The following SIRT7 variants were observed in gnomAD, a reference collection of about 807,000 sequenced individuals.
SIRT7 encodes the protein NAD-dependent protein deacetylase sirtuin-7.
SIRT7 carries 32 observed loss-of-function variants against 42.8 expected under a neutral mutation model. The observed-to-expected ratio is 0.75, with a 90% CI of 0.56 to 1.00. SIRT7 has a LOEUF of 1.00. SIRT7 is among the 50% of genes least tolerant of loss of function. SIRT7 has a pLI of 0.00. For missense variants in SIRT7, 553 were observed against 572.2 expected (o/e 0.97, Z 0.34); for synonymous variants, 297 against 245.2 (o/e 1.21, Z -1.97).
chr17:81,912,588 G>A lies in SIRT7; in HGVS notation c.1031C>T (p.Ala344Val), dbSNP rs747584480. The A allele has an allele frequency of 8.7e-6, 14 of 1,613,264 alleles. No homozygotes were observed. The highest frequency in any genetic ancestry group is 3.3e-5 in the South Asian group (3 of 91,084). Reference sequence around the variant, plus strand: ...TTCTTCACCAGCACGCAGGGGAGTCGCCAGTGAGAAAATGGGATCCTGCCA... The same window carrying A: ...TTCTTCACCAGCACGCAGGGGAGTCACCAGTGAGAAAATGGGATCCTGCCA... ...SRWQDPIFSL[A>V]TPLRAGEEGS... Residue 344 changes from alanine (A) to valine (V), a missense_variant, in exon 10 of 10, where the codon GCG becomes GTG. Ala to Val is a moderately conservative substitution (Grantham distance 64). Transcript: ENST00000328666.
chr17:81,915,774 C>G, intron 3 of SIRT7, 93 bp from the exon 4 acceptor site: 3 of 1,394,072 alleles, frequency 2.2e-6, no homozygotes, highest in Non-Finnish European at 2.0e-6. Flanking sequence ...GTCACTCCTG[C>G]CGCATTCCGG....
At position 81,913,301 on chromosome 17, in the gene SIRT7, T is replaced by C; in HGVS notation, c.1004+473A>G. ...GATTTCCCCTATAAGACCCTGAAAA[T>C]TCACAGAGAAAGAGAGTGTAAACTT... On this transcript the variant is annotated intron_variant, in intron 9 of 9. Transcript: ENST00000328666. The surrounding 1 kb of genome is among the most constrained non-coding windows in gnomAD (Gnocchi z 5.0). The C allele has an allele frequency of 2.2e-6, 1 of 456,070 alleles. No homozygotes were observed. Among genetic ancestry groups the C allele is most frequent in the Non-Finnish European group, 4.4e-6 (1 of 227,126 alleles). The allele number at this position is 456,070 out of a possible 1,614,324, so 28.3% of individuals were successfully genotyped here.
chr17:81,915,789 G>A (rs1488816661), intron 3 of SIRT7, 108 bp from the exon 4 acceptor site: 1 of 1,271,052 alleles, frequency 7.9e-7, no homozygotes, highest in Non-Finnish European at 1.1e-6. Context: ...TTCCGGGCTG[G>A]CCTGCATGTT....
intron 8 of SIRT7, 83 bp downstream of exon 8, chr17:81,914,004 C>A: frequency 6.3e-7 from 1 of 1,581,740 alleles, no homozygotes; most frequent in Non-Finnish European, 8.7e-7. Flanking sequence ...TATCAGACCG[C>A]CCTGGTGCAT....
intron 9 of SIRT7, 184 bp from the exon 10 acceptor site, chr17:81,912,798 G>A: frequency 2.9e-6 from 2 of 679,128 alleles, no homozygotes; most frequent in East Asian, 5.4e-5. Flanking sequence ...ATGTGGGAGA[G>A]GTCACCTCTT....
At chr17:81,918,005 G>A in intron 1 of SIRT7, 34 bp downstream of exon 1, 3 of 1,385,152 alleles carry the variant, frequency 2.2e-6, no homozygotes, top group Non-Finnish European at 2.8e-6. Context: ...GCGCGGGCCG[G>A]GCATGGCCGG....
rs976501937 is a variant in SIRT7, at chr17:81,914,661, C to T, written c.522G>A (p.Leu174=). ...VVSQNCDGLH[L]RSGLPRTAIS... is the part of the protein sequence containing the mutation. Reference sequence around the variant, plus strand: ...TGGCCGTGCGCGGCAGCCCACTCCTCAGGTGGAGCCCGTCACAGTTCTGAG... The same window carrying T: ...TGGCCGTGCGCGGCAGCCCACTCCTTAGGTGGAGCCCGTCACAGTTCTGAG... The change falls in exon 6 of 10, where the codon CTG becomes CTA. Residue 174 remains leucine (L), a synonymous_variant. Transcript: ENST00000328666. The T allele has an allele frequency of 6.2e-7, 1 of 1,612,942 alleles. No individual in the cohort carries two copies. The highest frequency in any genetic ancestry group is 8.5e-7 in the Non-Finnish European group (1 of 1,180,020).
At chr17:81,917,418 T>G in intron 3 of SIRT7, 197 bp downstream of exon 3, 1 of 476,728 alleles carries the variant, frequency 2.1e-6, no homozygotes, top group Non-Finnish European at 3.6e-6. Flanking sequence ...CTACACCCCA[T>G]TCGTATCTCT....
rs771558317 is a variant in SIRT7 at position 81,912,596 on chromosome 17, G to A, written c.1023C>T (p.Phe341=). ...CAGCACGCAGGGGAGTCGCCAGTGA[G>A]AAAATGGGATCCTGCCACCTGCCAA... ...PAYSRWQDPI[F]SLATPLRAGE... Residue 341 remains phenylalanine (F), a synonymous_variant, in exon 10 of 10, where the codon TTC becomes TTT. Transcript: ENST00000328666. 6.2e-7 allele frequency: 1 copy of A among 1,613,232 alleles called. No homozygotes were observed. Among genetic ancestry groups the A allele is most frequent in the Non-Finnish European group, 8.5e-7 (1 of 1,179,938 alleles).
At chr17:81,914,800 T>C (rs1019606027) in intron 5 of SIRT7, 98 bp from the exon 6 acceptor site, 3 of 989,370 alleles carry the variant, frequency 3.0e-6, no homozygotes, top group East Asian at 2.4e-5. Context: ...GCCCCGCCGA[T>C]GGCTCCCAAA....
In SIRT7 at chr17:81,913,579, G is replaced by A; in HGVS notation, c.1004+195C>T. On this transcript the variant is annotated intron_variant, in intron 9 of 9. Coordinates refer to ENST00000328666, the MANE Select transcript of SIRT7 (RefSeq NM_016538.3). The surrounding 1 kb of genome is among the most constrained non-coding windows in gnomAD (Gnocchi z 5.0). The stretch of plus-strand genomic sequence containing the variant: ...GGGATTGTGTGTGCCACATCAGCCA[G>A]GGCAGGAGTGGCACACGCAGGGTCT... 1 of 586,388 alleles carries A rather than the reference G, an allele frequency of 1.7e-6. No homozygotes were observed. The highest frequency in any genetic ancestry group is 3.1e-6 in the Non-Finnish European group (1 of 327,478). The allele number at this position is 586,388 out of a possible 1,614,324, so 36.3% of individuals were successfully genotyped here.
rs996817095 is a variant in SIRT7 at position 81,917,930 on chromosome 17, C to A, written c.131G>T (p.Ser44Ile). The A allele has an allele frequency of 5.0e-6, 7 of 1,396,228 alleles. No homozygotes were observed. Among genetic ancestry groups the A allele is most frequent in the East Asian group, 3.2e-5 (1 of 31,704 alleles). 86.5% of individuals were successfully genotyped at this position (1,396,228 alleles called of 1,614,324 possible). ...RILRKAAAERSAEEGRLLAES... is the reference protein window; with the variant it reads ...RILRKAAAERIAEEGRLLAES... Reference sequence around the variant, plus strand: ...GGCCAGCAGCCGGCCCTCCTCGGCGCTGCGCTCCGCCGCCGCCTTCCTCAG... The same window carrying A: ...GGCCAGCAGCCGGCCCTCCTCGGCGATGCGCTCCGCCGCCGCCTTCCTCAG... The change falls in exon 2 of 10, where the codon AGC becomes ATC. Residue 44 changes from serine (S) to isoleucine (I), a missense_variant. Transcript: ENST00000328666.
intron 3 of SIRT7, 44 bp from the exon 4 acceptor site, chr17:81,915,725 T>C (rs781424000): frequency 3.8e-6 from 6 of 1,597,938 alleles, no homozygotes; most frequent in African/African-American, 1.3e-5. Context: ...AAGGCACCAC[T>C]GTAGGTACTG....
chr17:81,914,557 G>A (rs1475424393), intron 6 of SIRT7, 27 bp from the exon 7 acceptor site: 11 of 1,612,622 alleles, frequency 6.8e-6, no homozygotes, highest in Non-Finnish European at 8.5e-6. Context: ...ACAGTGAGTG[G>A]GACCCGCCTG....
At position 81,913,489 on chromosome 17, in the gene SIRT7, C is replaced by T; in HGVS notation, c.1004+285G>A. 2 of 460,308 alleles carry T rather than the reference C, an allele frequency of 4.3e-6. No homozygotes were observed. The highest frequency in any genetic ancestry group is 8.1e-6 in the Non-Finnish European group (2 of 247,590). The allele number at this position is 460,308 out of a possible 1,614,324, so 28.5% of individuals were successfully genotyped here. A position where few individuals can be genotyped will look rare whatever the true frequency, so the allele number is the denominator to read the frequency against. On this transcript the variant is annotated intron_variant, in intron 9 of 9. Transcript: ENST00000328666. The surrounding 1 kb of genome is among the most constrained non-coding windows in gnomAD (Gnocchi z 5.0). ...TCCCCTCCAGATGCTTCCCACCAGG[C>T]ATCTCGGAGAGCTCCACGGGGAGGC...
Position 81,913,395 on chromosome 17 carries a change from T to A in SIRT7, c.1004+379A>T. 2.2e-6 allele frequency: 1 copy of A among 449,874 alleles called. No individual in the cohort carries two copies. Among genetic ancestry groups the A allele is most frequent in the South Asian group, 1.6e-5 (1 of 61,342 alleles). The allele number at this position is 449,874 out of a possible 1,614,324, so 27.9% of individuals were successfully genotyped here. A position where few individuals can be genotyped will look rare whatever the true frequency, so the allele number is the denominator to read the frequency against. ...TATTAAGGCACAGTTTGTTTAAGCT[T>A]TCCCAAAGTACGCCAACTCCCAAAA... On this transcript the variant is annotated intron_variant, in intron 9 of 9. Coordinates refer to ENST00000328666, the MANE Select transcript of SIRT7 (RefSeq NM_016538.3). This position sits in a 1 kb window ranked among gnomAD's most constrained non-coding sequence, Gnocchi z 5.0.
At position 81,917,972 on chromosome 17, in the gene SIRT7, G is replaced by T; in HGVS notation, c.94-5C>A. The T allele has an allele frequency of 7.5e-7, 1 of 1,340,102 alleles. No homozygotes were observed. Among genetic ancestry groups the T allele is most frequent in the East Asian group, 3.2e-5 (1 of 31,692 alleles). The allele number at this position is 1,340,102 out of a possible 1,614,324, so 83.0% of individuals were successfully genotyped here. On this transcript the variant is annotated splice_region_variant and splice_polypyrimidine_tract_variant and intron_variant, in intron 1 of 9. Transcript: ENST00000328666. ...CTTCCTCAGGATGCGCGACACCTGCGGGCAGGCGGACGGTGAGCGGCGGCG... is the reference window on the plus strand; with the variant it reads ...CTTCCTCAGGATGCGCGACACCTGCTGGCAGGCGGACGGTGAGCGGCGGCG...
In SIRT7 at chr17:81,914,277, G is replaced by T. The variant is rs201025150; in HGVS notation, c.816+17C>A. ...CGGGCAGGGGCTCGGTTCACTCATT[G>T]TGTCATCGGCACGTACCTTCAGGCT... On this transcript the variant is annotated intron_variant, in intron 7 of 9. Coordinates refer to ENST00000328666, the MANE Select transcript of SIRT7 (RefSeq NM_016538.3). The T allele has an allele frequency of 1.9e-5, 31 of 1,612,692 alleles. No individual in the cohort carries two copies. The highest frequency in any genetic ancestry group is 6.7e-5 in the Admixed American group (4 of 60,000).
In SIRT7 at chr17:81,913,596, G is replaced by T. The variant is rs951374913; in HGVS notation, c.1004+178C>A. On this transcript the variant is annotated intron_variant, in intron 9 of 9. Transcript: ENST00000328666. This position sits in a 1 kb window ranked among gnomAD's most constrained non-coding sequence, Gnocchi z 5.0. ...ATCAGCCAGGGCAGGAGTGGCACACGCAGGGTCTCCGCCAACCACCGAGGT... is the reference window on the plus strand; with the variant it reads ...ATCAGCCAGGGCAGGAGTGGCACACTCAGGGTCTCCGCCAACCACCGAGGT... The T allele has an allele frequency of 1.7e-6, 1 of 603,614 alleles. No individual in the cohort carries two copies. The highest frequency in any genetic ancestry group is 2.8e-5 in the East Asian group (1 of 35,302). 37.4% of individuals were successfully genotyped at this position (603,614 alleles called of 1,614,324 possible). A position where few individuals can be genotyped will look rare whatever the true frequency, so the allele number is the denominator to read the frequency against.
Sources: allele counts gnomAD v4.1 joint callset, GRCh38; gene constraint gnomAD v4.1.1; non-coding constraint Gnocchi (gnomAD v3.1); transcripts MANE v1.5; gene names NCBI Gene and HGNC (gene_info 2026-07-23, HGNC 2026-07-21).